GPC6: variants seen among roughly 807,000 people sequenced by gnomAD.
The protein encoded by GPC6 is glypican 6.
Under a neutral mutation model 55.2 loss-of-function variants are expected in GPC6, and 14 were observed. The ratio of observed to expected loss-of-function variants is 0.25; its 90% CI spans 0.17 to 0.40. The LOEUF is 0.40. Ranked by LOEUF, GPC6 falls within the 10% of genes least tolerant of loss-of-function variation. The probability of loss-of-function intolerance (pLI) is 1.00; values close to 1 mark genes in which losing one functional copy is unlikely to be tolerated. For synonymous variants in GPC6, 278 were observed against 259.6 expected, an observed-to-expected ratio of 1.07 and a Z score of -0.68; for missense variants, 641 against 708.5, an observed-to-expected ratio of 0.90 and a Z score of 1.08.
intron 4 of GPC6, among the ~76,000 whole-genome samples, chr13:94,227,836 C>A (rs201064321): frequency 6.6e-6 from 1 of 152,044 alleles, no homozygotes. Context: ...TGCCAATCAC[C>A]GAGGTAGAAA....
At chr13:93,896,935 T>G (rs2140323275) in intron 3 of GPC6, among the ~76,000 whole-genome samples, 1 of 150,548 alleles carries the variant, frequency 6.6e-6, no homozygotes, top group South Asian at 2.1e-4. Context: ...AATCAACTAT[T>G]GAGACCTCAG....
rs115940895 is a variant in GPC6, at chr13:93,986,613, C to A, written c.712-41116C>A. Among the ~76,000 whole-genome samples, 522 of 152,216 alleles carry A rather than the reference C, an allele frequency of 3.4e-3. 5 individuals carry two copies. The highest frequency in any genetic ancestry group is 0.012 in the African/African-American group (506 of 41,536). On this transcript the variant is annotated intron_variant, in intron 3 of 8. Coordinates refer to ENST00000377047, the MANE Select transcript of GPC6 (RefSeq NM_005708.5). ...ATCCATTATCTACTTGCATAAACAA[C>A]TATTACACTTTGAATATTTTCCCTC... is the stretch of plus-strand genomic sequence containing the variant.
intron 1 of GPC6, among the ~76,000 whole-genome samples, chr13:93,523,233 A>G (rs1214825533): frequency 6.7e-6 from 1 of 149,596 alleles, no homozygotes; most frequent in Non-Finnish European, 1.5e-5. Flanking sequence ...ACATATATAC[A>G]CATATGTACA....
At chr13:93,547,832 T>C (rs937949760) in intron 2 of GPC6, among the ~76,000 whole-genome samples, 5 of 152,278 alleles carry the variant, frequency 3.3e-5, no homozygotes, top group African/African-American at 1.2e-4. Context: ...AAAAAGTCAC[T>C]GTCACAATTT....
intron 3 of GPC6, among the ~76,000 whole-genome samples, chr13:93,836,627 T>C (rs9524251): frequency 0.24 from 35,961 of 152,146 alleles, 4,773 homozygotes; most frequent in East Asian, 0.34. Context: ...ATCAATGATG[T>C]TTCTATGCTT....
intron 2 of GPC6, among the ~76,000 whole-genome samples, chr13:93,706,978 C>G (rs887273660): frequency 1.3e-5 from 2 of 151,734 alleles, no homozygotes; most frequent in Admixed American, 1.3e-4. Flanking sequence ...AACTGGGCGA[C>G]GTAGGTGTTG....
At chr13:93,529,621 ATTCTCCTG>A (rs1881785946) in intron 1 of GPC6, among the ~76,000 whole-genome samples, 1 of 149,786 alleles carries the variant, frequency 6.7e-6, no homozygotes, top group African/African-American at 2.5e-5. Flanking sequence ...GTTTCAAGCA[ATTCTCCTG>A]CCTCAGCCTC....
Position 93,466,206 on chromosome 13 carries a change from T to C in GPC6, c.161-79057T>C, listed in dbSNP as rs1328748588. 4.1e-5 allele frequency among the ~76,000 whole-genome samples: 6 copies of C among 146,024 alleles called. No individual in the cohort carries two copies. In the Admixed American group the frequency reaches 4.4e-4, roughly 11 times the overall value. ...CTTGATGCAGGGTTGCCACAAACTTTCAAATTGTAAAAAAAAACAGTATCT... is the reference window on the plus strand; with the variant it reads ...CTTGATGCAGGGTTGCCACAAACTTCCAAATTGTAAAAAAAAACAGTATCT... On this transcript the variant is annotated intron_variant, in intron 1 of 8. Transcript: ENST00000377047.
intron 1 of GPC6, among the ~76,000 whole-genome samples, chr13:93,257,102 C>T (rs1035707573): frequency 2.0e-5 from 3 of 151,696 alleles, no homozygotes; most frequent in South Asian, 4.2e-4. Context: ...GCTAGGAGTT[C>T]GAGACCAACC....
chr13:93,940,155 A>G lies in GPC6; in HGVS notation c.712-87574A>G, dbSNP rs1449837903. Reference sequence around the variant, plus strand: ...TGTACACTTTTCTTACATCCTTGTTAGACTTTAAAATTCTCCTTAGTAATT... The same window carrying G: ...TGTACACTTTTCTTACATCCTTGTTGGACTTTAAAATTCTCCTTAGTAATT... On this transcript the variant is annotated intron_variant, in intron 3 of 8. Transcript: ENST00000377047. Among the ~76,000 whole-genome samples the G allele has an allele frequency of 2.0e-5, 3 of 152,152 alleles. No homozygotes were observed. In the East Asian group the frequency reaches 5.8e-4, roughly 29 times the overall value.
chr13:94,021,260 GTA>G (rs57597417), intron 3 of GPC6, among the ~76,000 whole-genome samples: 2,257 of 145,724 alleles, frequency 0.015, 56 homozygotes, highest in African/African-American at 0.047. Context: ...TTCATTGTGT[GTA>G]TATATATATA....
In GPC6 at chr13:94,279,793, T is replaced by C. The variant is rs1046957565; in HGVS notation, c.878-6556T>C. ...ATCCTGAGTTCTAATTTGATGGCAC[T>C]GTGGTCTGAGAGACTATTTGTTAAT... On this transcript the variant is annotated intron_variant, in intron 4 of 8. Transcript: ENST00000377047. Among the ~76,000 whole-genome samples, 25 of 152,228 alleles carry C rather than the reference T, an allele frequency of 1.6e-4. 1 individual carries two copies. Among genetic ancestry groups the C allele is most frequent in the Non-Finnish European group, 3.4e-4 (23 of 68,036 alleles).
chr13:93,738,179 C>T (rs976799058), intron 2 of GPC6, among the ~76,000 whole-genome samples: 2 of 152,234 alleles, frequency 1.3e-5, no homozygotes, highest in African/African-American at 4.8e-5. Flanking sequence ...AAATAGTCTT[C>T]GAATATATCT....
intron 4 of GPC6, among the ~76,000 whole-genome samples, chr13:94,036,994 G>A (rs1883360230): frequency 6.6e-6 from 1 of 151,910 alleles, no homozygotes; most frequent in South Asian, 2.1e-4. Context: ...ATAGTTGAGT[G>A]TTCCAAACTC....
intron 4 of GPC6, among the ~76,000 whole-genome samples, chr13:94,153,394 A>C (rs1237625603): frequency 6.6e-6 from 1 of 152,202 alleles, no homozygotes; most frequent in Non-Finnish European, 1.5e-5. Context: ...TGAATCTATG[A>C]ACTTGGAGGG....
At chr13:93,384,231 A>T (rs1464538519) in intron 1 of GPC6, among the ~76,000 whole-genome samples, 1 of 152,174 alleles carries the variant, frequency 6.6e-6, no homozygotes, top group Non-Finnish European at 1.5e-5. Flanking sequence ...AGATTTTTTT[A>T]AAGTGGCTAC....
At position 93,269,700 on chromosome 13, in the gene GPC6, C is replaced by T. The variant is rs372606020; in HGVS notation, c.160+42084C>T. 2.1e-4 allele frequency among the ~76,000 whole-genome samples: 31 copies of T among 148,006 alleles called. 1 individual carries two copies. In the Middle Eastern group the frequency reaches 0.011, roughly 50 times the overall value. On this transcript the variant is annotated intron_variant, in intron 1 of 8. Coordinates refer to ENST00000377047, the MANE Select transcript of GPC6 (RefSeq NM_005708.5). ...CAGCACTTTGGGAGGCCAAGGTGGG[C>T]GGATCACGAGGTCAGGAGATCAAGA...
chr13:93,486,683 A>G (rs1054576667), intron 1 of GPC6, among the ~76,000 whole-genome samples: 3 of 152,186 alleles, frequency 2.0e-5, no homozygotes, highest in African/African-American at 7.2e-5. Context: ...ACGGTGGCTC[A>G]CACCTGTAAT....
upstream of GPC6, among the ~76,000 whole-genome samples, chr13:93,222,294 T>C (rs1472990938): frequency 1.3e-5 from 2 of 152,226 alleles, no homozygotes; most frequent in Non-Finnish European, 2.9e-5. Flanking sequence ...AAAAAAAATT[T>C]AAAATCAACC....
Sources: allele counts gnomAD v4.1 joint callset (sites outside exome capture counted in the v4.1 genomes callset), GRCh38; gene constraint gnomAD v4.1.1; transcripts MANE v1.5; gene names NCBI Gene and HGNC (gene_info 2026-07-23, HGNC 2026-07-21).